Variants in COMMD1 observed in about 807,000 individuals in gnomAD.
The protein encoded by COMMD1 is copper metabolism domain containing 1, also known as COMM domain-containing protein 1.
Under a neutral mutation model 17.2 loss-of-function variants are expected in COMMD1, and 10 were observed. The observed-to-expected ratio is 0.58, with a 90% CI of 0.36 to 0.99. The LOEUF (loss-of-function observed/expected upper bound fraction) is 0.99, where lower values mean the gene tolerates loss of function less well. Ranked by LOEUF, COMMD1 falls within the 50% of genes least tolerant of loss-of-function variation. COMMD1 has a pLI of 0.01. For missense variants in COMMD1, 270 were observed against 231.8 expected (o/e 1.17, Z -1.07); for synonymous variants, 97 against 91.6 (o/e 1.06, Z -0.34).
At chr2:62,046,777 C>T (rs1558576194) in intron 2 of COMMD1, among the ~76,000 whole-genome samples, 1 of 152,204 alleles carries the variant, frequency 6.6e-6, no homozygotes, top group Non-Finnish European at 1.5e-5. Flanking sequence ...AAAGCAGTCA[C>T]ATTATTCAGT....
chr2:61,946,653 A>G (rs1670914627), intron 1 of COMMD1, among the ~76,000 whole-genome samples: 3 of 152,204 alleles, frequency 2.0e-5, no homozygotes, highest in African/African-American at 7.2e-5. Context: ...TAGTTTTACT[A>G]CACTATACAT....
chr2:61,981,075 C>T (rs1404457913), intron 1 of COMMD1, among the ~76,000 whole-genome samples: 1 of 152,048 alleles, frequency 6.6e-6, no homozygotes, highest in Non-Finnish European at 1.5e-5. Flanking sequence ...GGATAGTTTA[C>T]AAATATTTTC....
At chr2:62,057,616 G>A (rs945905804) in intron 2 of COMMD1, among the ~76,000 whole-genome samples, 3 of 151,992 alleles carry the variant, frequency 2.0e-5, no homozygotes, top group Admixed American at 2.0e-4. Flanking sequence ...TTTAGAGATA[G>A]AGTCTTACTC....
At chr2:61,908,913 A>C (rs182005947) in intron 1 of COMMD1, among the ~76,000 whole-genome samples, 69 of 151,788 alleles carry the variant, frequency 4.5e-4, no homozygotes, top group African/African-American at 1.5e-3. Flanking sequence ...ACATGATTTT[A>C]ATTTATTTTT....
chr2:62,000,749 A>G lies in COMMD1; in HGVS notation c.229A>G (p.Thr77Ala), dbSNP rs779518375. 3.0e-5 allele frequency: 49 copies of G among 1,614,042 alleles called. No homozygotes were observed. Among genetic ancestry groups the G allele is most frequent in the Middle Eastern group, 3.3e-4 (2 of 6,084 alleles). ...MDFNQLEAFL[T>A]AQTKKQGGIT... ...TTTCAACCAGCTGGAGGCATTCTTG[A>G]CTGCTCAAACCAAAAAGCAAGGTGG... The change falls in exon 2 of 3, where the codon ACT becomes GCT. Residue 77 changes from threonine (T) to alanine (A), a missense_variant. Coordinates refer to ENST00000311832, the MANE Select transcript of COMMD1 (RefSeq NM_152516.4).
chr2:62,030,883 C>G (rs567641138), intron 2 of COMMD1, among the ~76,000 whole-genome samples: 3 of 151,690 alleles, frequency 2.0e-5, no homozygotes, highest in African/African-American at 7.3e-5. Context: ...ACTGTGTAAC[C>G]TCTTAAATTT....
At chr2:62,052,437 G>C (rs1397256711) in intron 2 of COMMD1, among the ~76,000 whole-genome samples, 1 of 152,152 alleles carries the variant, frequency 6.6e-6, no homozygotes, top group African/African-American at 2.4e-5. Flanking sequence ...CAGGGTCCTA[G>C]ACTTTTCCAT....
chr2:62,008,392 A>G (rs1669185255), intron 2 of COMMD1, among the ~76,000 whole-genome samples: 1 of 151,708 alleles, frequency 6.6e-6, no homozygotes, highest in Non-Finnish European at 1.5e-5. Context: ...ACACACACAT[A>G]TATATTTGTT....
chr2:62,002,042 T>C (rs1421202926), intron 2 of COMMD1, among the ~76,000 whole-genome samples: 1 of 152,018 alleles, frequency 6.6e-6, no homozygotes, highest in Non-Finnish European at 1.5e-5. Flanking sequence ...TGGTGGCACA[T>C]GCCTGTAATC....
intron 2 of COMMD1, among the ~76,000 whole-genome samples, chr2:62,078,445 C>T (rs1468406224): frequency 3.5e-5 from 5 of 144,418 alleles, no homozygotes; most frequent in African/African-American, 5.2e-5. Flanking sequence ...CCCAGCCACT[C>T]GGGAGGCTGA....
chr2:61,994,197 G>A (rs1016314828), intron 1 of COMMD1, among the ~76,000 whole-genome samples: 1 of 152,092 alleles, frequency 6.6e-6, no homozygotes, highest in Non-Finnish European at 1.5e-5. Flanking sequence ...ATGTTGGTCA[G>A]TCTGGTCATG....
chr2:62,015,554 G>A (rs1227207022), intron 2 of COMMD1, among the ~76,000 whole-genome samples: 8 of 152,090 alleles, frequency 5.3e-5, no homozygotes, highest in Non-Finnish European at 1.2e-4. Flanking sequence ...GGACTTGTTG[G>A]ATCATACGGT....
At chr2:61,935,120 AAGCTAG>A (rs1196825258) in intron 1 of COMMD1, among the ~76,000 whole-genome samples, 4 of 152,214 alleles carry the variant, frequency 2.6e-5, no homozygotes, top group Non-Finnish European at 5.9e-5. Flanking sequence ...GGGACAGGAG[AAGCTAG>A]AGTCTCAATA....
intron 1 of COMMD1, among the ~76,000 whole-genome samples, chr2:61,926,754 C>G (rs12470846): frequency 1.3e-5 from 2 of 152,120 alleles, no homozygotes; most frequent in South Asian, 2.1e-4. Flanking sequence ...TTCACAAGAA[C>G]GTAACCATCT....
intron 2 of COMMD1, among the ~76,000 whole-genome samples, chr2:62,082,123 T>C (rs1195118165): frequency 6.6e-6 from 1 of 152,176 alleles, no homozygotes; most frequent in East Asian, 1.9e-4. Context: ...AGGAATTAGA[T>C]ATAGGACCTC....
intron 2 of COMMD1, among the ~76,000 whole-genome samples, chr2:62,027,799 G>A (rs1669805472): frequency 6.6e-6 from 1 of 151,994 alleles, no homozygotes; most frequent in African/African-American, 2.4e-5. Context: ...TCAGTCTCAT[G>A]AGTAGCTGGG....
At chr2:61,932,340 A>G (rs1670486618) in intron 1 of COMMD1, among the ~76,000 whole-genome samples, 1 of 152,236 alleles carries the variant, frequency 6.6e-6, no homozygotes, top group Non-Finnish European at 1.5e-5. Context: ...TTCAGATACC[A>G]CTTATGTTTT....
At chr2:61,960,509 A>C (rs1226058863) in intron 1 of COMMD1, among the ~76,000 whole-genome samples, 1 of 152,206 alleles carries the variant, frequency 6.6e-6, no homozygotes, top group Admixed American at 6.5e-5. Flanking sequence ...ACCAGTTTGA[A>C]ATGGGGTTAC....
At chr2:61,888,499 C>T, upstream of COMMD1, 2 of 1,611,944 alleles carry the variant, frequency 1.2e-6, no homozygotes, top group South Asian at 1.1e-5. Context: ...GTGCCACATT[C>T]TCGGGCATGG....
Sources: gnomAD v4.1 joint callset for allele counts (sites outside exome capture counted in the v4.1 genomes callset) on GRCh38, gnomAD v4.1.1 for gene constraint, MANE v1.5 for transcripts, NCBI Gene and HGNC (gene_info 2026-07-23, HGNC 2026-07-21) for gene names.